The following MDM1 variants were observed in gnomAD, a reference collection of about 807,000 sequenced individuals.
MDM1 encodes the protein Mdm1 nuclear protein.
A neutral mutation model predicts 89.1 loss-of-function variants in MDM1; 61 were observed. The observed-to-expected ratio is 0.68, with a 90% confidence interval of 0.56 to 0.85. The LOEUF is 0.85. MDM1 is among the 40% of genes least tolerant of loss of function. The pLI is 0.00. For missense variants in MDM1, 820 were observed against 846.5 expected (o/e 0.97, Z 0.39); for synonymous variants, 290 against 294.1 (o/e 0.99, Z 0.14).
intron 12 of MDM1, among the ~76,000 whole-genome samples, chr12:68,303,907 C>T (rs1374984895): frequency 6.6e-6 from 1 of 152,198 alleles, no homozygotes; most frequent in Non-Finnish European, 1.5e-5. Context: ...GACTATGTAT[C>T]ACTGTCCTAG....
At chr12:68,326,469 G>A (rs778339600) in intron 3 of MDM1, 188 bp downstream of exon 3, 21 of 1,484,190 alleles carry the variant, frequency 1.4e-5, no homozygotes, top group African/African-American at 2.8e-5. Context: ...ACAAAATAGC[G>A]AGTAGTCAGA....
rs751736543 is a variant in MDM1, at chr12:68,296,950, G to GT, written c.2034dup (p.Pro679ThrfsTer4). On this transcript the variant is annotated frameshift_variant, in exon 14 of 15. Coordinates refer to ENST00000682720, the MANE Select transcript of MDM1 (RefSeq NM_001354969.2). LOFTEE classifies it high-confidence loss of function. ...TCATCATTAAAGGCTTCATGTTGAG[G>GT]TAACTGCAAATTGTTCATCCTTGCT... is the stretch of plus-strand genomic sequence containing the variant. 4 of 1,589,260 alleles carry GT rather than the reference G, an allele frequency of 2.5e-6. No individual in the cohort carries two copies. In the East Asian group the frequency reaches 9.1e-5, roughly 36 times the overall value.
At chr12:68,326,574 A>G (rs2121148737) in intron 3 of MDM1, 83 bp downstream of exon 3, 2 of 1,613,304 alleles carry the variant, frequency 1.2e-6, no homozygotes, top group East Asian at 4.5e-5. Context: ...ATTCTGAAAC[A>G]CAAAATGTAA....
Position 68,316,424 on chromosome 12 carries a change from A to G in MDM1, c.1035+157T>C, listed in dbSNP as rs1874514612. The G allele has an allele frequency of 3.2e-6, 3 of 933,010 alleles. No individual in the cohort carries two copies. In the Admixed American group the frequency reaches 8.1e-5, roughly 25 times the overall value. The allele number at this position is 933,010 out of a possible 1,614,324, so 57.8% of individuals were successfully genotyped here. A position where few individuals can be genotyped will look rare whatever the true frequency, so the allele number is the denominator to read the frequency against. ...GTGCATTTAAGCAAAAACTAAAACA[A>G]TCAAGCTAAAGCATGATGCAGTTAT... is the stretch of plus-strand genomic sequence containing the variant. On this transcript the variant is annotated intron_variant, in intron 8 of 14. Coordinates refer to ENST00000682720, the MANE Select transcript of MDM1 (RefSeq NM_001354969.2).
At chr12:68,322,075 G>C (rs915093344) in intron 5 of MDM1, among the ~76,000 whole-genome samples, 2 of 152,122 alleles carry the variant, frequency 1.3e-5, no homozygotes, top group Non-Finnish European at 2.9e-5. Flanking sequence ...ATATGTGTGT[G>C]TGTATACATC....
At chr12:68,327,547 G>A (rs1197025703) in intron 2 of MDM1, 1 of 1,506,676 alleles carries the variant, frequency 6.6e-7, no homozygotes, top group South Asian at 1.2e-5. Context: ...TTTAACAACA[G>A]CTAAGATACA....
chr12:68,304,140 G>GT (rs1376267554), intron 12 of MDM1, among the ~76,000 whole-genome samples: 1 of 152,098 alleles, frequency 6.6e-6, no homozygotes, highest in Non-Finnish European at 1.5e-5. Context: ...TCCAGGTGCA[G>GT]TGGCTCATGC....
At chr12:68,332,087 C>G in intron 1 of MDM1, 141 bp downstream of exon 1, 1 of 1,166,690 alleles carries the variant, frequency 8.6e-7, no homozygotes, top group Non-Finnish European at 1.2e-6. Context: ...GATTCTGGGG[C>G]CCCTCGAGCA....
At chr12:68,317,198 C>T (rs968711520) in intron 7 of MDM1, among the ~76,000 whole-genome samples, 1 of 151,996 alleles carries the variant, frequency 6.6e-6, no homozygotes, top group African/African-American at 2.4e-5. Flanking sequence ...ATGAAAAAAG[C>T]AGCCTTCATA....
rs776184947 is a variant in MDM1, at chr12:68,325,406, T to C, written c.633+35A>G. ...AAATCTACATTACTAGATAAGATAA[T>C]GGTACTCAGAAATGTATTACATCCA... On this transcript the variant is annotated intron_variant, in intron 4 of 14. Transcript: ENST00000682720. The C allele has an allele frequency of 8.9e-6, 13 of 1,458,806 alleles. No individual in the cohort carries two copies. In the South Asian group the frequency reaches 1.8e-4, roughly 20 times the overall value. 90.4% of individuals were successfully genotyped at this position (1,458,806 alleles called of 1,614,324 possible). A position where few individuals can be genotyped will look rare whatever the true frequency, so the allele number is the denominator to read the frequency against.
chr12:68,306,830 A>C (rs1872955821), intron 12 of MDM1, among the ~76,000 whole-genome samples: 1 of 152,228 alleles, frequency 6.6e-6, no homozygotes, highest in African/African-American at 2.4e-5. Flanking sequence ...CATTCAACCC[A>C]GCAATCTCAC....
At chr12:68,323,565 T>C (rs903829571) in intron 4 of MDM1, among the ~76,000 whole-genome samples, 1 of 152,046 alleles carries the variant, frequency 6.6e-6, no homozygotes, top group Non-Finnish European at 1.5e-5. Flanking sequence ...CCTGACATGA[T>C]TTTTTTTCTT....
intron 9 of MDM1, among the ~76,000 whole-genome samples, chr12:68,315,498 T>C (rs1256625725): frequency 1.3e-5 from 2 of 152,236 alleles, no homozygotes; most frequent in African/African-American, 2.4e-5. Context: ...TATCTTCTTT[T>C]ACTCCTACCT....
In MDM1 at chr12:68,325,015, C is replaced by A. The variant is rs748642271; in HGVS notation, c.633+426G>T. 3.0e-4 allele frequency: 298 copies of A among 979,886 alleles called. 1 individual carries two copies. The highest frequency in any genetic ancestry group is 2.7e-4 in the Non-Finnish European group (223 of 825,034). The allele number at this position is 979,886 out of a possible 1,614,324, so 60.7% of individuals were successfully genotyped here. A position where few individuals can be genotyped will look rare whatever the true frequency, so the allele number is the denominator to read the frequency against. ...ATTACGTATCTTGTGTTACTGTCAA[C>A]ATATTTTGTATTTATTAAATATTCA... On this transcript the variant is annotated intron_variant, in intron 4 of 14. Transcript: ENST00000682720.
At chr12:68,305,538 T>C (rs1872751386) in intron 12 of MDM1, among the ~76,000 whole-genome samples, 1 of 152,136 alleles carries the variant, frequency 6.6e-6, no homozygotes, top group Non-Finnish European at 1.5e-5. Flanking sequence ...AAAGACCTGA[T>C]AAATGACGTT....
intron 7 of MDM1, among the ~76,000 whole-genome samples, chr12:68,318,294 G>A (rs1874758829): frequency 6.6e-6 from 1 of 152,190 alleles, no homozygotes; most frequent in South Asian, 2.1e-4. Flanking sequence ...GGGTGGAAGG[G>A]ACAGCAGAGG....
chr12:68,321,283 T>G, intron 7 of MDM1, 64 bp downstream of exon 7: 6 of 1,276,916 alleles, frequency 4.7e-6, no homozygotes, highest in African/African-American at 1.5e-5. Context: ...GAACTCGTTG[T>G]GAAATTAAAG....
rs140418235 is a variant in MDM1 at position 68,300,673 on chromosome 12, C to A, written c.2002+1947G>T. 5.1e-3 allele frequency among the ~76,000 whole-genome samples: 781 copies of A among 152,286 alleles called. 5 individuals carry two copies. The highest frequency in any genetic ancestry group is 0.018 in the African/African-American group (735 of 41,558). The stretch of plus-strand genomic sequence containing the variant: ...TCCCACATTTATAAAACAATTACTA[C>A]TAGACCTGAGAAATGAAGTAGACAG... On this transcript the variant is annotated intron_variant, in intron 13 of 14. Coordinates refer to ENST00000682720, the MANE Select transcript of MDM1 (RefSeq NM_001354969.2).
intron 13 of MDM1, among the ~76,000 whole-genome samples, chr12:68,301,999 GAAT>G (rs1179551946): frequency 6.6e-6 from 1 of 152,066 alleles, no homozygotes; most frequent in Non-Finnish European, 1.5e-5. Flanking sequence ...ATTTTTGACT[GAAT>G]AATTCAAGAA....
Sources: allele counts gnomAD v4.1 joint callset (sites outside exome capture counted in the v4.1 genomes callset), GRCh38; gene constraint gnomAD v4.1.1; transcripts MANE v1.5; gene names NCBI Gene and HGNC (gene_info 2026-07-23, HGNC 2026-07-21).